Variants in CCDC73 observed in about 807,000 individuals in gnomAD.
CCDC73 encodes coiled-coil domain-containing protein 73.
Under a neutral mutation model 116.5 loss-of-function variants are expected in CCDC73, and 95 were observed. The ratio of observed to expected loss-of-function variants is 0.82; its 90% CI spans 0.69 to 0.97. The LOEUF is 0.97. Ranked by LOEUF, CCDC73 falls within the 50% of genes least tolerant of loss-of-function variation. The pLI is 0.00. For missense variants in CCDC73, 1,066 were observed against 1,206.8 expected (o/e 0.88, Z 1.73); for synonymous variants, 398 against 401.3 (o/e 0.99, Z 0.10).
chr11:32,609,849 G>A (rs758736864), intron 17 of CCDC73, among the ~76,000 whole-genome samples: 8 of 151,864 alleles, frequency 5.3e-5, no homozygotes, highest in Non-Finnish European at 1.2e-4. Context: ...GCGTGATCTC[G>A]GCTCACTGCA....
At chr11:32,811,754 C>T in the CCDC73 span, among the ~76,000 whole-genome samples, 2 of 152,182 alleles carry the variant, frequency 1.3e-5, no homozygotes, top group Non-Finnish European at 2.9e-5. Flanking sequence ...AAAGTGAGAA[C>T]GCATTACTAT....
chr11:32,657,160 G>A (rs1271978441), intron 9 of CCDC73, among the ~76,000 whole-genome samples: 1 of 152,162 alleles, frequency 6.6e-6, no homozygotes, highest in Non-Finnish European at 1.5e-5. Context: ...AGGAGCAGCA[G>A]AAAACAGGGC....
chr11:32,743,713 G>T (rs968522977), intron 2 of CCDC73, among the ~76,000 whole-genome samples: 1 of 152,136 alleles, frequency 6.6e-6, no homozygotes, highest in Non-Finnish European at 1.5e-5. Context: ...CTGTTTGTCT[G>T]TTATTGGTGT....
chr11:32,767,078 A>T (rs891199622), intron 1 of CCDC73, among the ~76,000 whole-genome samples: 69 of 152,344 alleles, frequency 4.5e-4, no homozygotes, highest in African/African-American at 1.2e-3. Flanking sequence ...CTATACTACA[A>T]GGCTACAGGA....
rs549257941 is a variant in CCDC73, at chr11:32,656,234, C to T, written c.646-1262G>A. ...CTGGGACTACAGGCGCCCACCACCACGCCCGGCTAATTTTTTTTGTATTTT... is the reference window on the plus strand; with the variant it reads ...CTGGGACTACAGGCGCCCACCACCATGCCCGGCTAATTTTTTTTGTATTTT... On this transcript the variant is annotated intron_variant, in intron 9 of 17. Transcript: ENST00000335185. 1.2e-3 allele frequency among the ~76,000 whole-genome samples: 176 copies of T among 152,186 alleles called. 2 individuals are homozygous for T. The highest frequency in any genetic ancestry group is 0.011 in the Admixed American group (167 of 15,294).
the CCDC73 span, among the ~76,000 whole-genome samples, chr11:32,807,331 C>A: frequency 6.6e-6 from 1 of 152,150 alleles, no homozygotes; most frequent in Non-Finnish European, 1.5e-5. Flanking sequence ...CACCACTAAC[C>A]CCTGCTGATA....
intron 9 of CCDC73, 22 bp downstream of exon 9, chr11:32,675,541 AGT>A (rs772753470): frequency 8.1e-6 from 11 of 1,353,960 alleles, no homozygotes; most frequent in African/African-American, 2.9e-5. Context: ...TTTACTTAGT[AGT>A]GTGAAACTGT....
intron 1 of CCDC73, among the ~76,000 whole-genome samples, chr11:32,761,386 G>A (rs914882474): frequency 2.6e-5 from 4 of 152,076 alleles, no homozygotes; most frequent in African/African-American, 9.7e-5. Context: ...GAATAAAGGT[G>A]CTATAAACAT....
At chr11:32,638,778 A>ATTTATT (rs1326524473) in intron 13 of CCDC73, among the ~76,000 whole-genome samples, 2 of 149,604 alleles carry the variant, frequency 1.3e-5, no homozygotes, top group African/African-American at 5.1e-5. Context: ...TGCCCAGCCG[A>ATTTATT]TTGTTCTATT....
At chr11:32,623,741 AAAG>A (rs1383510930) in intron 14 of CCDC73, among the ~76,000 whole-genome samples, 1 of 152,184 alleles carries the variant, frequency 6.6e-6, no homozygotes, top group African/African-American at 2.4e-5. Context: ...TTGGCTCTAC[AAAG>A]AAGACTTTAC....
chr11:32,709,959 C>T (rs1017499144), intron 3 of CCDC73, among the ~76,000 whole-genome samples: 4 of 152,164 alleles, frequency 2.6e-5, no homozygotes, highest in East Asian at 1.9e-4. Flanking sequence ...GGAATTTATC[C>T]GTCTCCTCTA....
At chr11:32,642,119 C>T in intron 12 of CCDC73, 37 bp from the exon 13 acceptor site, 1 of 1,489,120 alleles carries the variant, frequency 6.7e-7, no homozygotes, top group Admixed American at 2.2e-5. Context: ...ATAATCAATA[C>T]CACATTAATG....
rs1491544340 is a variant in CCDC73 at position 32,755,916 on chromosome 11, CAT to C, written c.135+4191_135+4192del. ...CTCCATATATATCTATATATATCTC[CAT>C]ATATATATCTATATATATATCTCCA... On this transcript the variant is annotated intron_variant, in intron 2 of 17. Coordinates refer to ENST00000335185, the MANE Select transcript of CCDC73 (RefSeq NM_001008391.4). Among the ~76,000 whole-genome samples, 11 of 45,764 alleles carry C rather than the reference CAT, an allele frequency of 2.4e-4. 1 individual carries two copies. Among genetic ancestry groups the C allele is most frequent in the Admixed American group, 3.6e-4 (1 of 2,784 alleles). 30.0% of individuals were successfully genotyped at this position (45,764 alleles called of 152,430 possible). A position where few individuals can be genotyped will look rare whatever the true frequency, so the allele number is the denominator to read the frequency against.
intron 1 of CCDC73, among the ~76,000 whole-genome samples, chr11:32,789,457 C>T (rs764877255): frequency 2.0e-5 from 3 of 152,056 alleles, no homozygotes; most frequent in Non-Finnish European, 4.4e-5. Flanking sequence ...ATATTCAAAA[C>T]GTAGTGATTT....
chr11:32,613,447 A>G lies in CCDC73; in HGVS notation c.2871T>C (p.Asp957=). The G allele has an allele frequency of 6.2e-7, 1 of 1,612,940 alleles. No individual in the cohort carries two copies. The highest frequency in any genetic ancestry group is 8.5e-7 in the Non-Finnish European group (1 of 1,179,168). The change falls in exon 16 of 18, where the codon GAT becomes GAC. Residue 957 remains aspartate, a synonymous_variant. Coordinates refer to ENST00000335185, the MANE Select transcript of CCDC73 (RefSeq NM_001008391.4). ...CTGGTCCAATATCCTTTCCAACATC[A>G]TCCACACCAATATTTTTACAAAGAG... ...SMALCKNIGV[D]DVGKDIGPDT...
intron 1 of CCDC73, among the ~76,000 whole-genome samples, chr11:32,784,110 A>C (rs1850605840): frequency 6.6e-6 from 1 of 152,202 alleles, no homozygotes; most frequent in African/African-American, 2.4e-5. Context: ...TGGGCAGATC[A>C]CCTAAGGTCG....
chr11:32,768,272 T>A (rs1850461044), intron 1 of CCDC73, among the ~76,000 whole-genome samples: 2 of 152,004 alleles, frequency 1.3e-5, no homozygotes, highest in African/African-American at 2.4e-5. Context: ...AATTGAACAA[T>A]GAGAACACTC....
At chr11:32,740,958 T>A (rs1033431925) in intron 2 of CCDC73, among the ~76,000 whole-genome samples, 2 of 152,316 alleles carry the variant, frequency 1.3e-5, no homozygotes, top group South Asian at 4.1e-4. Flanking sequence ...GCATACTGTT[T>A]AATTTCCATT....
intron 2 of CCDC73, among the ~76,000 whole-genome samples, chr11:32,732,868 C>G (rs1298415328): frequency 6.6e-6 from 1 of 151,904 alleles, no homozygotes; most frequent in African/African-American, 2.4e-5. Flanking sequence ...AACTAAGAAG[C>G]AAAATAACCA....
Sources: gnomAD v4.1 joint callset for allele counts (sites outside exome capture counted in the v4.1 genomes callset) on GRCh38, gnomAD v4.1.1 for gene constraint, MANE v1.5 for transcripts, NCBI Gene and HGNC (gene_info 2026-07-23, HGNC 2026-07-21) for gene names.